Variants in MED27 observed in about 807,000 individuals in gnomAD.
The protein encoded by MED27 is mediator of RNA polymerase II transcription subunit 27.
A neutral mutation model predicts 38.2 loss-of-function variants in MED27; 30 were observed. The ratio of observed to expected loss-of-function variants is 0.79; its 90% CI spans 0.59 to 1.07. MED27 has a LOEUF of 1.07. Ranked by LOEUF, MED27 falls within the 50% of genes least tolerant of loss-of-function variation. MED27 has a pLI of 0.00. For missense variants in MED27, 289 were observed against 397.5 expected (o/e 0.73, Z 2.32); for synonymous variants, 122 against 153.5 (o/e 0.79, Z 1.52).
At chr9:131,878,298 T>TAAAG (rs1405681059) in intron 6 of MED27, among the ~76,000 whole-genome samples, 1 of 150,850 alleles carries the variant, frequency 6.6e-6, no homozygotes, top group East Asian at 1.9e-4. Context: ...AATAAATAAA[T>TAAAG]AAATAAATAA....
chr9:132,048,817 C>T (rs1020888696), intron 2 of MED27, among the ~76,000 whole-genome samples: 4 of 152,290 alleles, frequency 2.6e-5, no homozygotes, highest in Admixed American at 2.0e-4. Flanking sequence ...GTAGGATTTC[C>T]GTGGGCAAAA....
chr9:132,071,267 T>C (rs1428977360), intron 2 of MED27, among the ~76,000 whole-genome samples: 1 of 151,366 alleles, frequency 6.6e-6, no homozygotes, highest in Non-Finnish European at 1.5e-5. Flanking sequence ...GAGCCTACGC[T>C]CTGAACCACC....
intron 4 of MED27, among the ~76,000 whole-genome samples, chr9:131,927,539 C>G (rs1830504174): frequency 6.6e-6 from 1 of 152,180 alleles, no homozygotes; most frequent in Non-Finnish European, 1.5e-5. Context: ...TGTCCTTCCT[C>G]CCCTCCTCTC....
At chr9:131,863,528 G>A (rs1043308684) in intron 6 of MED27, among the ~76,000 whole-genome samples, 3 of 152,298 alleles carry the variant, frequency 2.0e-5, no homozygotes, top group East Asian at 1.9e-4. Flanking sequence ...ACTTCCGCCC[G>A]GTACGCACAC....
rs115750539 is a variant in MED27, at chr9:131,909,998, G to A, written c.574-16006C>T. Among the ~76,000 whole-genome samples, 851 of 152,276 alleles carry A rather than the reference G, an allele frequency of 5.6e-3. 4 individuals carry two copies. The highest frequency in any genetic ancestry group is 0.019 in the African/African-American group (801 of 41,560). Reference sequence around the variant, plus strand: ...TTCAACTCACCCAGGAATCCCTAGAGAAATCTAAGGCTTTTATAAGATTTG... The same window carrying A: ...TTCAACTCACCCAGGAATCCCTAGAAAAATCTAAGGCTTTTATAAGATTTG... On this transcript the variant is annotated intron_variant, in intron 4 of 7. Transcript: ENST00000292035.
intron 2 of MED27, among the ~76,000 whole-genome samples, chr9:132,049,137 C>T (rs1007379543): frequency 2.0e-5 from 3 of 152,172 alleles, no homozygotes; most frequent in Non-Finnish European, 4.4e-5. Flanking sequence ...CCCACCATGG[C>T]AGCAGAGCCT....
chr9:131,903,151 A>C (rs1427785089), intron 4 of MED27, among the ~76,000 whole-genome samples: 1 of 152,218 alleles, frequency 6.6e-6, no homozygotes, highest in East Asian at 1.9e-4. Context: ...CAAAAGAAAG[A>C]GGTTTATTGG....
chr9:131,879,482 G>A (rs1838997796), intron 6 of MED27, among the ~76,000 whole-genome samples: 1 of 152,226 alleles, frequency 6.6e-6, no homozygotes, highest in Admixed American at 6.5e-5. Flanking sequence ...AGCAGGAGGA[G>A]AATTCCTCCA....
chr9:132,017,525 C>A (rs1008164095), intron 2 of MED27, among the ~76,000 whole-genome samples: 1 of 152,160 alleles, frequency 6.6e-6, no homozygotes, highest in South Asian at 2.1e-4. Flanking sequence ...CTCCACTAAC[C>A]GGGAGGAATA....
chr9:132,011,342 ATTTTT>A, intron 3 of MED27, among the ~76,000 whole-genome samples: 1 of 152,134 alleles, frequency 6.6e-6, no homozygotes, highest in Non-Finnish European at 1.5e-5. Flanking sequence ...CAAAAACATT[ATTTTT>A]TAATGTTTTT....
intron 2 of MED27, among the ~76,000 whole-genome samples, chr9:132,019,967 T>C (rs1832684763): frequency 6.6e-6 from 1 of 152,288 alleles, no homozygotes. Context: ...ACTCCAGTCA[T>C]GTGTTAGGTG....
At chr9:131,921,667 A>G (rs938502655) in intron 4 of MED27, among the ~76,000 whole-genome samples, 13 of 152,240 alleles carry the variant, frequency 8.5e-5, no homozygotes, top group Non-Finnish European at 1.9e-4. Flanking sequence ...CAGCCATCCC[A>G]TTACTGGGCA....
rs1330485852 is a variant in MED27, at chr9:132,003,494, C to T, written c.479+10843G>A. On this transcript the variant is annotated intron_variant, in intron 3 of 7. Transcript: ENST00000292035. The surrounding 1 kb of genome is among the most constrained non-coding windows in gnomAD (Gnocchi z 4.2). ...CAGACACTAAGGGCCACAAGGGGCA[C>T]GTGACAGTTGGGCCTGAAGGGTTGG... Among the ~76,000 whole-genome samples, 5 of 152,124 alleles carry T rather than the reference C, an allele frequency of 3.3e-5. No homozygotes were observed. Among genetic ancestry groups the T allele is most frequent in the Non-Finnish European group, 5.9e-5 (4 of 68,026 alleles).
At position 131,872,100 on chromosome 9, in the gene MED27, C is replaced by T. The variant is rs1480624087; in HGVS notation, c.724-8960G>A. Reference sequence around the variant, plus strand: ...AGGAACAGACGCTGGAGGCTGACTGCTGGGAACCGCCTTCCAGCTCCTGGC... The same window carrying T: ...AGGAACAGACGCTGGAGGCTGACTGTTGGGAACCGCCTTCCAGCTCCTGGC... On this transcript the variant is annotated intron_variant, in intron 6 of 7. Coordinates refer to ENST00000292035, the MANE Select transcript of MED27 (RefSeq NM_004269.4). The surrounding 1 kb of genome is among the most constrained non-coding windows in gnomAD (Gnocchi z 5.6). 6.6e-6 allele frequency among the ~76,000 whole-genome samples: 1 copy of T among 152,176 alleles called. No homozygotes were observed. The highest frequency in any genetic ancestry group is 1.5e-5 in the Non-Finnish European group (1 of 68,026).
intron 2 of MED27, among the ~76,000 whole-genome samples, chr9:132,023,441 A>G (rs1832757478): frequency 6.6e-6 from 1 of 152,224 alleles, no homozygotes; most frequent in African/African-American, 2.4e-5. Context: ...GAAGAGAAAA[A>G]TGAGTTTCTA....
chr9:132,055,421 T>A (rs4246175), intron 2 of MED27, among the ~76,000 whole-genome samples: 85,694 of 152,038 alleles, frequency 0.56, 26,300 homozygotes, highest in Non-Finnish European at 0.67. Context: ...ATGGACCTAG[T>A]CATCTATGAG....
At chr9:132,071,492 G>A (rs186138074) in intron 2 of MED27, among the ~76,000 whole-genome samples, 147 of 148,690 alleles carry the variant, frequency 9.9e-4, no homozygotes, top group Non-Finnish European at 1.7e-3. Flanking sequence ...GTCCATACAC[G>A]TACGAGTAAC....
At chr9:131,893,756 T>C in intron 5 of MED27, 129 bp downstream of exon 5, 1 of 669,032 alleles carries the variant, frequency 1.5e-6, no homozygotes, top group Non-Finnish European at 2.7e-6. Context: ...ATCCTCACAC[T>C]GACAAATCTA....
In MED27 at chr9:132,067,657, C is replaced by T. The variant is rs190989196; in HGVS notation, c.348+9785G>A. Among the ~76,000 whole-genome samples the T allele has an allele frequency of 6.6e-5, 10 of 152,232 alleles. No homozygotes were observed. The East Asian group carries it at 1.2e-3, about 18-fold the overall frequency. ...TTTCACGTATGGACTCCAGTCCTCG[C>T]CCCCCAACCAAAAAAGCAAGCAAGC... On this transcript the variant is annotated intron_variant, in intron 2 of 7. Transcript: ENST00000292035.
Sources: allele counts gnomAD v4.1 joint callset (sites outside exome capture counted in the v4.1 genomes callset), GRCh38; gene constraint gnomAD v4.1.1; non-coding constraint Gnocchi (gnomAD v3.1); transcripts MANE v1.5; gene names NCBI Gene and HGNC (gene_info 2026-07-23, HGNC 2026-07-21).